The following SLC25A30 variants were observed in gnomAD, a reference collection of about 807,000 sequenced individuals.
The protein encoded by SLC25A30 is solute carrier family 25 member 30, also known as kidney mitochondrial carrier protein 1.
In SLC25A30, 29 loss-of-function variants were observed where a neutral mutation model predicts 42.7. The observed-to-expected ratio is 0.68, with a 90% confidence interval of 0.51 to 0.93. The LOEUF (loss-of-function observed/expected upper bound fraction) is 0.93, where lower values mean the gene tolerates loss of function less well. SLC25A30 is among the 40% of genes least tolerant of loss of function. The probability of loss-of-function intolerance (pLI) is 0.00; values close to 1 mark genes in which losing one functional copy is unlikely to be tolerated. For synonymous variants in SLC25A30, 124 were observed against 131.0 expected (o/e 0.95, Z 0.37); for missense variants, 300 against 359.7 (o/e 0.83, Z 1.34).
chr13:45,394,441 C>T lies in SLC25A30; in HGVS notation c.*1533G>A, dbSNP rs1881168425. On this transcript the variant is annotated 3_prime_UTR_variant, in exon 10 of 10. Transcript: ENST00000519676. ...AGTCTCAACAAAGAGACTGGCCAGA[C>T]TGGGAATTTGGCCGCACTACTGTGG... 1.0e-6 allele frequency: 1 copy of T among 985,272 alleles called. No individual in the cohort carries two copies. Among genetic ancestry groups the T allele is most frequent in the African/African-American group, 1.7e-5 (1 of 57,208 alleles). The allele number at this position is 985,272 out of a possible 1,614,324, so 61.0% of individuals were successfully genotyped here. A position where few individuals can be genotyped will look rare whatever the true frequency, so the allele number is the denominator to read the frequency against.
At chr13:45,424,954 A>G in the SLC25A30 span, among the ~76,000 whole-genome samples, 117 of 70,370 alleles carry the variant, frequency 1.7e-3, 7 homozygotes, top group Non-Finnish European at 1.5e-3. Context: ...AAATATATAA[A>G]TAAATATATA....
rs1218747535 is a variant in SLC25A30, at chr13:45,397,282, C to T, written c.810G>A (p.Leu270=). 1.2e-6 allele frequency: 2 copies of T among 1,612,120 alleles called. No individual in the cohort carries two copies. Among genetic ancestry groups the T allele is most frequent in the Non-Finnish European group, 8.5e-7 (1 of 1,178,424 alleles). Residue 270 remains leucine, a synonymous_variant, in exon 9 of 10, where the codon TTG becomes TTA. Transcript: ENST00000519676. ...ALYKGFWPNW[L]RLGPWNIIFF... ...CAATGATATTCCAAGGACCAAGTCT[C>T]AACCAATTTGGCCAAAAGCCTTTAT...
rs1320890742 is a variant in SLC25A30, at chr13:45,409,867, C to T, written c.65-793G>A. 2.0e-5 allele frequency among the ~76,000 whole-genome samples: 3 copies of T among 152,152 alleles called. 1 individual carries two copies. Among genetic ancestry groups the T allele is most frequent in the South Asian group, 4.1e-4 (2 of 4,826 alleles). On this transcript the variant is annotated intron_variant, in intron 2 of 9. Coordinates refer to ENST00000519676, the MANE Select transcript of SLC25A30 (RefSeq NM_001010875.4). ...TAAATATGTTAAATACTGTACCTAA[C>T]AAATAGTCCACCCAAATATATAAAA...
chr13:45,423,394 G>A (rs1883943508), upstream of SLC25A30, among the ~76,000 whole-genome samples: 1 of 149,276 alleles, frequency 6.7e-6, no homozygotes, highest in Non-Finnish European at 1.5e-5. Flanking sequence ...GTTACTCTCT[G>A]CATTTACTTA....
chr13:45,432,704 G>C, the SLC25A30 span, among the ~76,000 whole-genome samples: 9 of 149,060 alleles, frequency 6.0e-5, no homozygotes, highest in African/African-American at 2.2e-4. Context: ...ATATCTATAG[G>C]ACACTAAAAA....
chr13:45,411,578 A>T, intron 1 of SLC25A30, 98 bp from the exon 2 acceptor site: 6 of 724,822 alleles, frequency 8.3e-6, no homozygotes, highest in Non-Finnish European at 1.4e-5. Context: ...GAGTGCTATC[A>T]CCAAAACCCC....
chr13:45,424,015 A>C, the SLC25A30 span, among the ~76,000 whole-genome samples: 1 of 66,218 alleles, frequency 1.5e-5, no homozygotes, highest in Non-Finnish European at 2.8e-5. Context: ...ATATATATAA[A>C]TCTGTAAAAA....
chr13:45,433,723 GC>G, the SLC25A30 span, among the ~76,000 whole-genome samples: 1 of 152,180 alleles, frequency 6.6e-6, no homozygotes, highest in East Asian at 1.9e-4. Flanking sequence ...TTCTGACGGG[GC>G]CACAGCCATT....
chr13:45,404,481 G>A (rs1402399938), intron 4 of SLC25A30, 69 bp from the exon 5 acceptor site: 3 of 1,097,442 alleles, frequency 2.7e-6, no homozygotes, highest in Non-Finnish European at 2.8e-6. Context: ...TCAACTATAG[G>A]TCTAACTTAT....
chr13:45,400,997 A>G, intron 7 of SLC25A30, 86 bp downstream of exon 7: 1 of 1,254,488 alleles, frequency 8.0e-7, no homozygotes. Flanking sequence ...TCTGCATTGC[A>G]ACTTTTCAAA....
chr13:45,397,924 T>C (rs754099786), intron 8 of SLC25A30: 83 of 985,464 alleles, frequency 8.4e-5, no homozygotes, highest in Non-Finnish European at 9.8e-5. Flanking sequence ...TTACGGTCTG[T>C]TGCTTCCGTG....
chr13:45,404,905 A>G (rs1436167347), intron 4 of SLC25A30, among the ~76,000 whole-genome samples: 2 of 152,208 alleles, frequency 1.3e-5, no homozygotes, highest in African/African-American at 4.8e-5. Flanking sequence ...TGCAAAATTT[A>G]TTGATATCTA....
rs1035756924 is a variant in SLC25A30 at position 45,394,071 on chromosome 13, T to C, written c.*1903A>G. 93 of 985,412 alleles carry C rather than the reference T, an allele frequency of 9.4e-5. No homozygotes were observed. In the African/African-American group the frequency reaches 1.5e-3, roughly 16 times the overall value. 61.0% of individuals were successfully genotyped at this position (985,412 alleles called of 1,614,324 possible). The stretch of plus-strand genomic sequence containing the variant: ...TGAAAGCCTCTCTATAGAAAGTCTT[T>C]ATAAAATCAATGGAATGTTTTGGAA... On this transcript the variant is annotated 3_prime_UTR_variant, in exon 10 of 10. Coordinates refer to ENST00000519676, the MANE Select transcript of SLC25A30 (RefSeq NM_001010875.4).
chr13:45,397,714 T>A (rs1203863004), intron 8 of SLC25A30: 1 of 182,312 alleles, frequency 5.5e-6, no homozygotes, highest in Non-Finnish European at 1.1e-5. Flanking sequence ...ATAATAATAA[T>A]TAGTGGCCAG....
In SLC25A30 at chr13:45,415,963, C is replaced by T. The variant is rs1883493517; in HGVS notation, c.-56+2337G>A. On this transcript the variant is annotated intron_variant, in intron 1 of 9. Transcript: ENST00000519676. ...TACAGGCACGTGCCACCACGTCCAG[C>T]TAATTTTTGTATTTTTGGTAGAGAT... Among the ~76,000 whole-genome samples the T allele has an allele frequency of 2.0e-5, 3 of 150,596 alleles. No homozygotes were observed. In the South Asian group the frequency reaches 6.4e-4, roughly 32 times the overall value.
chr13:45,419,148 A>AG (rs1203162342), upstream of SLC25A30, among the ~76,000 whole-genome samples: 24 of 145,824 alleles, frequency 1.6e-4, no homozygotes, highest in South Asian at 1.5e-3. Flanking sequence ...AAAAAAAAAA[A>AG]AAAGAAAGAA....
rs1166030598 is a variant in SLC25A30 at position 45,397,271 on chromosome 13, G to A, written c.821C>T (p.Pro274Leu). 4 of 1,607,868 alleles carry A rather than the reference G, an allele frequency of 2.5e-6. No homozygotes were observed. The highest frequency in any genetic ancestry group is 3.4e-6 in the Non-Finnish European group (4 of 1,174,716). The stretch of plus-strand genomic sequence containing the variant: ...AGAAAAGGATACAATGATATTCCAA[G>A]GACCAAGTCTCAACCAATTTGGCCA... Reference protein sequence around the residue: ...GFWPNWLRLGPWNIIFFVTYE... With the variant: ...GFWPNWLRLGLWNIIFFVTYE... The change falls in exon 9 of 10, where the codon CCT becomes CTT. Residue 274 changes from proline to leucine, a missense_variant. Coordinates refer to ENST00000519676, the MANE Select transcript of SLC25A30 (RefSeq NM_001010875.4).
At chr13:45,420,707 G>A (rs1883870698), upstream of SLC25A30, among the ~76,000 whole-genome samples, 1 of 151,974 alleles carries the variant, frequency 6.6e-6, no homozygotes, top group Non-Finnish European at 1.5e-5. Flanking sequence ...CTTTTGTTTT[G>A]TTTTGTTTTT....
chr13:45,433,690 G>T, the SLC25A30 span, among the ~76,000 whole-genome samples: 5 of 152,168 alleles, frequency 3.3e-5, no homozygotes, highest in Non-Finnish European at 7.3e-5. Context: ...GAGGCCTGAG[G>T]CTGGTGAAAA....
Sources: gnomAD v4.1 joint callset for allele counts (sites outside exome capture counted in the v4.1 genomes callset) on GRCh38, gnomAD v4.1.1 for gene constraint, MANE v1.5 for transcripts, NCBI Gene and HGNC (gene_info 2026-07-23, HGNC 2026-07-21) for gene names.